IL1RAPL2: variants seen among roughly 807,000 people sequenced by gnomAD.
The protein encoded by IL1RAPL2 is X-linked interleukin-1 receptor accessory protein-like 2.
Under a neutral mutation model 44.1 loss-of-function variants are expected in IL1RAPL2, and 3 were observed. That is an observed-to-expected ratio of 0.07 (90% CI 0.03 to 0.18). The LOEUF is 0.18. Ranked by LOEUF, IL1RAPL2 falls within the 10% of genes least tolerant of loss-of-function variation. The pLI is 1.00. For synonymous variants in IL1RAPL2, 181 were observed against 178.8 expected (o/e 1.01, Z -0.10); for missense variants, 391 against 496.4 (o/e 0.79, Z 2.02).
intron 5 of IL1RAPL2, among the ~76,000 whole-genome samples, chrX:105,368,517 G>A (rs1004570548): frequency 9.0e-6 from 1 of 111,264 alleles, no homozygotes; most frequent in Non-Finnish European, 1.9e-5. Flanking sequence ...TATTCCCTCT[G>A]GCCTGCAGGG....
intron 2 of IL1RAPL2, among the ~76,000 whole-genome samples, chrX:105,124,132 C>T (rs774178393): frequency 5.2e-4 from 58 of 111,517 alleles, no homozygotes; most frequent in Non-Finnish European, 8.9e-4. Context: ...TGCTAAAGTG[C>T]TTAACTGGTC....
chrX:105,222,708 G>A (rs782150631), intron 3 of IL1RAPL2, among the ~76,000 whole-genome samples: 1 of 112,042 alleles, frequency 8.9e-6, no homozygotes, highest in East Asian at 2.8e-4. Flanking sequence ...GAATGCATAG[G>A]GATGTCAGGG....
intron 2 of IL1RAPL2, among the ~76,000 whole-genome samples, chrX:104,668,499 C>G (rs1471873143): frequency 1.1e-5 from 1 of 88,198 alleles, no homozygotes; most frequent in Admixed American, 1.3e-4. Context: ...ACAACAGTCC[C>G]CAGAGTGTGA....
intron 2 of IL1RAPL2, among the ~76,000 whole-genome samples, chrX:105,023,137 T>G (rs2031310005): frequency 9.0e-6 from 1 of 111,222 alleles, no homozygotes; most frequent in South Asian, 3.7e-4. Flanking sequence ...TCAAGTTATC[T>G]GCTCCACTTG....
intron 2 of IL1RAPL2, among the ~76,000 whole-genome samples, chrX:104,983,464 G>A (rs1462515374): frequency 1.0e-5 from 1 of 95,596 alleles, no homozygotes; most frequent in Non-Finnish European, 2.0e-5. Flanking sequence ...TATAATATTA[G>A]ATACATAATA....
At chrX:105,518,309 G>A (rs192461747) in intron 6 of IL1RAPL2, among the ~76,000 whole-genome samples, 2 of 111,008 alleles carry the variant, frequency 1.8e-5, no homozygotes, top group East Asian at 5.7e-4. Context: ...ATATCCTGGG[G>A]ATAAGAATAC....
intron 5 of IL1RAPL2, among the ~76,000 whole-genome samples, chrX:105,476,501 C>G (rs2036198394): frequency 8.9e-6 from 1 of 111,748 alleles, no homozygotes; most frequent in South Asian, 3.8e-4. Flanking sequence ...ATCACTGGTT[C>G]TGTTTTTTGT....
chrX:105,140,234 C>T (rs774054646), intron 2 of IL1RAPL2, among the ~76,000 whole-genome samples: 97 of 112,441 alleles, frequency 8.6e-4, no homozygotes, highest in African/African-American at 3.0e-3. Context: ...AGCAACCTGC[C>T]TTCTCAGATT....
intron 2 of IL1RAPL2, among the ~76,000 whole-genome samples, chrX:104,903,409 T>G (rs1230568908): frequency 9.1e-6 from 1 of 109,798 alleles, no homozygotes; most frequent in Non-Finnish European, 1.9e-5. Context: ...TCAATAGAGA[T>G]TCACCCTGGA....
At chrX:105,428,308 C>T (rs1203021793) in intron 5 of IL1RAPL2, among the ~76,000 whole-genome samples, 4 of 111,845 alleles carry the variant, frequency 3.6e-5, no homozygotes, top group African/African-American at 9.7e-5. Flanking sequence ...TTCTTTTTCT[C>T]TGTTGAAACT....
intron 6 of IL1RAPL2, among the ~76,000 whole-genome samples, chrX:105,610,556 C>T (rs1392110673): frequency 1.8e-5 from 2 of 111,519 alleles, no homozygotes; most frequent in Non-Finnish European, 3.8e-5. Context: ...AAGTCATGCA[C>T]TATATAACAA....
intron 5 of IL1RAPL2, among the ~76,000 whole-genome samples, chrX:105,358,414 G>A (rs1393352736): frequency 9.5e-6 from 1 of 105,016 alleles, no homozygotes; most frequent in Admixed American, 1.1e-4. Flanking sequence ...AGTGGCTCAC[G>A]CCTGTAATCC....
At chrX:104,779,192 T>A (rs1275021577) in intron 2 of IL1RAPL2, among the ~76,000 whole-genome samples, 1 of 112,262 alleles carries the variant, frequency 8.9e-6, no homozygotes, top group Admixed American at 9.4e-5. Flanking sequence ...TAGAAATGTG[T>A]TTTTTGACAG....
At chrX:104,749,634 G>A (rs1932225954) in intron 2 of IL1RAPL2, among the ~76,000 whole-genome samples, 1 of 111,279 alleles carries the variant, frequency 9.0e-6, no homozygotes, top group African/African-American at 3.3e-5. Flanking sequence ...AAACAAGTCT[G>A]GAGAAGAATA....
In IL1RAPL2 at chrX:104,911,333, A is replaced by G. The variant is rs775429460; in HGVS notation, c.82+252338A>G. 5.3e-5 allele frequency among the ~76,000 whole-genome samples: 6 copies of G among 112,280 alleles called. No homozygotes were observed. The East Asian group carries it at 1.7e-3, about 32-fold the overall frequency. ...AACCATCATAAAACCAGGAAAAGGCAGAATCTGAAAAGTATAGGCCAATCC... is the reference window on the plus strand; with the variant it reads ...AACCATCATAAAACCAGGAAAAGGCGGAATCTGAAAAGTATAGGCCAATCC... On this transcript the variant is annotated intron_variant, in intron 2 of 10. Coordinates refer to ENST00000372582, the MANE Select transcript of IL1RAPL2 (RefSeq NM_017416.2).
intron 2 of IL1RAPL2, among the ~76,000 whole-genome samples, chrX:104,668,009 G>A (rs1307660382): frequency 1.8e-5 from 2 of 111,251 alleles, no homozygotes; most frequent in Non-Finnish European, 3.8e-5. Context: ...AATAGTGACG[G>A]GGGATGGTAT....
intron 2 of IL1RAPL2, among the ~76,000 whole-genome samples, chrX:104,887,666 C>G (rs781406217): frequency 4.5e-5 from 5 of 111,954 alleles, no homozygotes; most frequent in Non-Finnish European, 9.4e-5. Flanking sequence ...GCCCTCAACC[C>G]TGCCACTTTT....
At chrX:105,297,366 A>G (rs1238107606) in intron 5 of IL1RAPL2, among the ~76,000 whole-genome samples, 1 of 112,045 alleles carries the variant, frequency 8.9e-6, no homozygotes, top group African/African-American at 3.2e-5. Flanking sequence ...AGCCACTGGA[A>G]GATTTTAAGC....
At chrX:105,288,358 G>A (rs2034586643) in intron 5 of IL1RAPL2, among the ~76,000 whole-genome samples, 1 of 108,916 alleles carries the variant, frequency 9.2e-6, no homozygotes, top group African/African-American at 3.3e-5. Context: ...AATCATATTG[G>A]GGTAAATTAA....
Sources: allele counts gnomAD v4.1 joint callset (sites outside exome capture counted in the v4.1 genomes callset), GRCh38; gene constraint gnomAD v4.1.1; transcripts MANE v1.5; gene names NCBI Gene and HGNC (gene_info 2026-07-23, HGNC 2026-07-21).